The following DISC1 variants were observed in gnomAD, a reference collection of about 807,000 sequenced individuals.
The protein encoded by DISC1 is DISC1 scaffold protein, also known as disrupted in schizophrenia 1 protein.
A neutral mutation model predicts 84.5 loss-of-function variants in DISC1; 57 were observed. That is an observed-to-expected ratio of 0.67 (90% CI 0.55 to 0.84). The LOEUF is 0.84. Ranked by LOEUF, DISC1 falls within the 40% of genes least tolerant of loss-of-function variation. DISC1 has a pLI of 0.00. For synonymous variants in DISC1, 411 were observed against 415.2 expected (o/e 0.99, Z 0.12); for missense variants, 1,000 against 1,057.8 (o/e 0.95, Z 0.76).
At chr1:231,702,141 T>A in intron 3 of DISC1, 117 bp downstream of exon 3, 1 of 1,470,360 alleles carries the variant, frequency 6.8e-7, no homozygotes, top group East Asian at 2.6e-5. Context: ...CCTCTGATCA[T>A]CTCTACCAGG....
chr1:231,981,503 T>C (rs1473443726), intron 10 of DISC1, among the ~76,000 whole-genome samples: 1 of 152,202 alleles, frequency 6.6e-6, no homozygotes, highest in African/African-American at 2.4e-5. Context: ...TGGTTTCTCA[T>C]TTATCATTTT....
At chr1:231,639,613 G>A (rs1254526770) in intron 1 of DISC1, among the ~76,000 whole-genome samples, 2 of 152,192 alleles carry the variant, frequency 1.3e-5, no homozygotes, top group Non-Finnish European at 2.9e-5. Context: ...GACATGGATG[G>A]GGAAGGAGGT....
intron 4 of DISC1, among the ~76,000 whole-genome samples, chr1:231,753,820 C>T (rs752229030): frequency 6.6e-6 from 1 of 152,148 alleles, no homozygotes; most frequent in African/African-American, 2.4e-5. Flanking sequence ...GCAGCCAGGC[C>T]ACATCTTGAA....
intron 9 of DISC1, among the ~76,000 whole-genome samples, chr1:231,865,191 T>C (rs1289656303): frequency 6.6e-6 from 1 of 152,178 alleles, no homozygotes; most frequent in Non-Finnish European, 1.5e-5. Flanking sequence ...CTAGAGCTCT[T>C]TCCAAACAAA....
rs6676723 is a variant in DISC1 at position 231,855,168 on chromosome 1, T to C, written c.1981+36651T>C. The C allele has an allele frequency of 0.012, 12,213 of 1,007,196 alleles. 1,081 individuals are homozygous for C. The African/African-American group carries it at 0.19, about 16-fold the overall frequency. 62.4% of individuals were successfully genotyped at this position (1,007,196 alleles called of 1,614,324 possible). On this transcript the variant is annotated intron_variant, in intron 9 of 12. Transcript: ENST00000439617. ...GTTGATGCAGCGTCCTTTGTGAATC[T>C]TTAAATTTGTGAATGACACTTTTGA...
chr1:231,651,614 C>A (rs1461071944), intron 1 of DISC1, among the ~76,000 whole-genome samples: 1 of 152,260 alleles, frequency 6.6e-6, no homozygotes, highest in Non-Finnish European at 1.5e-5. Flanking sequence ...CCACTGCTCT[C>A]TTCAGAGCTG....
At chr1:231,799,165 A>C (rs1278425870) in intron 7 of DISC1, among the ~76,000 whole-genome samples, 1 of 152,202 alleles carries the variant, frequency 6.6e-6, no homozygotes, top group Non-Finnish European at 1.5e-5. Flanking sequence ...TGAAAAACCA[A>C]AGAAAAAAAC....
intron 1 of DISC1, among the ~76,000 whole-genome samples, chr1:231,648,431 T>A (rs1461194167): frequency 6.6e-6 from 1 of 152,244 alleles, no homozygotes; most frequent in Non-Finnish European, 1.5e-5. Context: ...GTGGATAAGC[T>A]TTTTGATGTG....
At chr1:231,683,015 G>C (rs2063841711) in intron 1 of DISC1, among the ~76,000 whole-genome samples, 1 of 152,200 alleles carries the variant, frequency 6.6e-6, no homozygotes. Context: ...TCCTTGTGGG[G>C]CCCAGGACTC....
At chr1:231,699,156 G>A (rs144009128) in intron 2 of DISC1, among the ~76,000 whole-genome samples, 152 of 152,226 alleles carry the variant, frequency 1.0e-3, no homozygotes, top group African/African-American at 3.6e-3. Flanking sequence ...CTACAAGAGC[G>A]ATCAAATGCT....
intron 3 of DISC1, among the ~76,000 whole-genome samples, chr1:231,735,629 A>G (rs1198250249): frequency 6.6e-6 from 1 of 152,192 alleles, no homozygotes; most frequent in Non-Finnish European, 1.5e-5. Flanking sequence ...AATTTTCTCG[A>G]ACTTTCTATA....
chr1:232,013,084 G>A (rs75408997), intron 11 of DISC1, among the ~76,000 whole-genome samples: 1,837 of 152,266 alleles, frequency 0.012, 45 homozygotes, highest in African/African-American at 0.042. Flanking sequence ...GGCTTCCTCC[G>A]CTGTGAAGTG....
chr1:231,910,624 T>C (rs1415733128), intron 9 of DISC1, among the ~76,000 whole-genome samples: 2 of 152,210 alleles, frequency 1.3e-5, no homozygotes, highest in African/African-American at 4.8e-5. Context: ...ATAAGTGCGA[T>C]GTGGTGCTGA....
chr1:231,694,049 C>T lies in DISC1; in HGVS notation c.291C>T (p.Ser97=), dbSNP rs149755964. The change falls in exon 2 of 13, where the codon AGC becomes AGT. Residue 97 remains serine, a synonymous_variant. Transcript: ENST00000439617. The part of the protein sequence containing the change: ...GLDSRGLLVR[S]PVSKSAAAPT... ...ACTCGAGAGGCCTCTTGGTCCGGAG[C>T]CCTGTTTCCAAGAGTGCAGCAGCCC... is the stretch of plus-strand genomic sequence containing the variant. 6 of 1,614,068 alleles carry T rather than the reference C, an allele frequency of 3.7e-6. No homozygotes were observed. The highest frequency in any genetic ancestry group is 1.3e-5 in the African/African-American group (1 of 74,940).
At chr1:231,687,947 T>A (rs990123351) in intron 1 of DISC1, among the ~76,000 whole-genome samples, 1 of 151,930 alleles carries the variant, frequency 6.6e-6, no homozygotes, top group African/African-American at 2.4e-5. Context: ...GTTACGTATA[T>A]GTTACCACAA....
intron 9 of DISC1, among the ~76,000 whole-genome samples, chr1:231,830,821 A>C (rs960850921): frequency 6.6e-6 from 1 of 152,168 alleles, no homozygotes; most frequent in Non-Finnish European, 1.5e-5. Flanking sequence ...AGTCCTTTTT[A>C]AGTTGGTGGC....
In DISC1 at chr1:231,896,039, T is replaced by G. The variant is rs191308254; in HGVS notation, c.1982-62789T>G. Among the ~76,000 whole-genome samples, 157 of 152,328 alleles carry G rather than the reference T, an allele frequency of 1.0e-3. 1 individual carries two copies. Among genetic ancestry groups the G allele is most frequent in the Middle Eastern group, 0.01 (3 of 294 alleles). On this transcript the variant is annotated intron_variant, in intron 9 of 12. Coordinates refer to ENST00000439617, the MANE Select transcript of DISC1 (RefSeq NM_018662.3). ...ACAGGCTGAAATGGTGTCATGTGAT[T>G]CCAGAGGCCAAAAGGCTGGTGTGGA...
At chr1:231,935,975 TC>T (rs1328156743) in intron 9 of DISC1, among the ~76,000 whole-genome samples, 5 of 152,282 alleles carry the variant, frequency 3.3e-5, no homozygotes, top group Admixed American at 3.3e-4. Context: ...CCTGTATTCT[TC>T]CCAACGTAAT....
Position 232,031,218 on chromosome 1 carries a change from GGAGAAAGAGAGA to G in DISC1, c.2425+4678_2425+4689del, listed in dbSNP as rs1669995870. Among the ~76,000 whole-genome samples the G allele has an allele frequency of 7.3e-6, 1 of 137,380 alleles. No homozygotes were observed. Among genetic ancestry groups the G allele is most frequent in the Non-Finnish European group, 1.6e-5 (1 of 62,676 alleles). 90.1% of individuals were successfully genotyped at this position (137,380 alleles called of 152,430 possible). Reference sequence around the variant, plus strand: ...GACAGAGAGAGAGGAAGGAAGGAAGGGAGAAAGAGAGAGAGAAAGAGAGGAAGGAAGGAAGGA... The same window carrying G: ...GACAGAGAGAGAGGAAGGAAGGAAGGGAGAAAGAGAGGAAGGAAGGAAGGA... On this transcript the variant is annotated intron_variant, in intron 12 of 12. Transcript: ENST00000439617. The surrounding 1 kb of genome is among the most constrained non-coding windows in gnomAD (Gnocchi z 4.6).
Sources: allele counts gnomAD v4.1 joint callset (sites outside exome capture counted in the v4.1 genomes callset), GRCh38; gene constraint gnomAD v4.1.1; non-coding constraint Gnocchi (gnomAD v3.1); transcripts MANE v1.5; gene names NCBI Gene and HGNC (gene_info 2026-07-23, HGNC 2026-07-21).